The following ADAM32 variants were observed in gnomAD, a reference collection of about 807,000 sequenced individuals.
ADAM32 encodes disintegrin and metalloproteinase domain-containing protein 32.
A neutral mutation model predicts 114.9 loss-of-function variants in ADAM32; 89 were observed. The ratio of observed to expected loss-of-function variants is 0.77; its 90% CI spans 0.65 to 0.92. The LOEUF (loss-of-function observed/expected upper bound fraction) is 0.92, where lower values mean the gene tolerates loss of function less well. ADAM32 is among the 40% of genes least tolerant of loss of function. The pLI, the probability that ADAM32 is intolerant of heterozygous loss-of-function variation, is 0.00. For missense variants in ADAM32, 870 were observed against 932.8 expected (o/e 0.93, Z 0.88); for synonymous variants, 285 against 307.5 (o/e 0.93, Z 0.77).
At chr8:39,124,512 G>A (rs950071463) in intron 2 of ADAM32, among the ~76,000 whole-genome samples, 1 of 151,644 alleles carries the variant, frequency 6.6e-6, no homozygotes, top group African/African-American at 2.4e-5. Context: ...CCACCTCCCG[G>A]GTTCATGCCA....
chr8:39,212,085 C>T (rs1051512109), intron 12 of ADAM32, among the ~76,000 whole-genome samples: 4 of 152,170 alleles, frequency 2.6e-5, no homozygotes, highest in East Asian at 1.9e-4. Flanking sequence ...GGAGCAATCT[C>T]GGCTCACTTC....
intron 11 of ADAM32, among the ~76,000 whole-genome samples, chr8:39,194,037 T>C (rs144857446): frequency 6.6e-6 from 1 of 152,044 alleles, no homozygotes; most frequent in Non-Finnish European, 1.5e-5. Flanking sequence ...TGCAGGAGGG[T>C]GCTAGTGTGT....
chr8:39,237,405 C>G (rs781445921), intron 16 of ADAM32, among the ~76,000 whole-genome samples: 9 of 151,088 alleles, frequency 6.0e-5, no homozygotes, highest in Non-Finnish European at 1.2e-4. Context: ...AGCACAGAAG[C>G]CATGGCAGGC....
intron 16 of ADAM32, among the ~76,000 whole-genome samples, chr8:39,243,770 T>C (rs1810716756): frequency 6.6e-6 from 1 of 151,472 alleles, no homozygotes; most frequent in Non-Finnish European, 1.5e-5. Context: ...GTACTGGAGG[T>C]CCTAGCCAGA....
intron 11 of ADAM32, among the ~76,000 whole-genome samples, chr8:39,203,156 T>G (rs899790119): frequency 6.6e-6 from 1 of 152,234 alleles, no homozygotes; most frequent in Admixed American, 6.5e-5. Context: ...GTCTACTTGG[T>G]CCAGGGCTGA....
At chr8:39,138,994 A>G (rs1015057689) in intron 3 of ADAM32, among the ~76,000 whole-genome samples, 1 of 152,128 alleles carries the variant, frequency 6.6e-6, no homozygotes, top group Non-Finnish European at 1.5e-5. Flanking sequence ...GTCTGTTCAT[A>G]TCCTTTGGCC....
intron 16 of ADAM32, among the ~76,000 whole-genome samples, chr8:39,244,256 G>A (rs914060902): frequency 2.0e-5 from 3 of 151,948 alleles, no homozygotes; most frequent in Non-Finnish European, 4.4e-5. Context: ...TCACAGAACT[G>A]GAAAAAACGA....
chr8:39,244,135 AAC>A (rs1176102204), intron 16 of ADAM32, among the ~76,000 whole-genome samples: 1 of 152,198 alleles, frequency 6.6e-6, no homozygotes, highest in African/African-American at 2.4e-5. Flanking sequence ...AACAAATGAA[AAC>A]ACATACCATG....
intron 22 of ADAM32, among the ~76,000 whole-genome samples, chr8:39,276,851 T>C (rs1432115793): frequency 6.6e-6 from 1 of 152,194 alleles, no homozygotes; most frequent in Non-Finnish European, 1.5e-5. Flanking sequence ...CCTTTTTCTC[T>C]TATTATATTC....
chr8:39,200,807 G>T (rs1212424350), intron 11 of ADAM32, among the ~76,000 whole-genome samples: 2 of 152,160 alleles, frequency 1.3e-5, no homozygotes, highest in East Asian at 3.8e-4. Context: ...TGTATAAGGT[G>T]TAAGGAAGGG....
chr8:39,173,447 G>A (rs1481318168), intron 10 of ADAM32, among the ~76,000 whole-genome samples: 1 of 149,104 alleles, frequency 6.7e-6, no homozygotes, highest in Non-Finnish European at 1.5e-5. Flanking sequence ...TTTTTTTCAT[G>A]TTTTTTGCCC....
chr8:39,153,272 T>A (rs1564494632), intron 6 of ADAM32, among the ~76,000 whole-genome samples: 1 of 152,232 alleles, frequency 6.6e-6, no homozygotes, highest in African/African-American at 2.4e-5. Context: ...GCTGAACTTT[T>A]TTTTCTTGCC....
intron 22 of ADAM32, among the ~76,000 whole-genome samples, chr8:39,277,422 A>G (rs1466496748): frequency 6.6e-6 from 1 of 152,234 alleles, no homozygotes; most frequent in Non-Finnish European, 1.5e-5. Flanking sequence ...CATGTCATTT[A>G]TCTTTGGAGT....
intron 11 of ADAM32, among the ~76,000 whole-genome samples, chr8:39,202,413 G>A (rs189820302): frequency 1.1e-4 from 17 of 152,234 alleles, no homozygotes; most frequent in Admixed American, 2.0e-4. Context: ...GTTTATTTGC[G>A]TAGAGGTGTT....
At chr8:39,200,909 G>A (rs574125895) in intron 11 of ADAM32, among the ~76,000 whole-genome samples, 20 of 152,144 alleles carry the variant, frequency 1.3e-4, no homozygotes, top group South Asian at 4.2e-4. Flanking sequence ...GTTTTTGTCC[G>A]GTTTTTCCAA....
At chr8:39,252,116 T>C (rs2129450387) in intron 17 of ADAM32, among the ~76,000 whole-genome samples, 1 of 151,994 alleles carries the variant, frequency 6.6e-6, no homozygotes, top group East Asian at 1.9e-4. Context: ...TTGGTTACTA[T>C]AGCTCTGTAG....
At chr8:39,243,652 G>A (rs1292053150) in intron 16 of ADAM32, among the ~76,000 whole-genome samples, 1 of 152,172 alleles carries the variant, frequency 6.6e-6, no homozygotes, top group East Asian at 1.9e-4. Flanking sequence ...GGCTGTATAT[G>A]CCAAAGCCGC....
At chr8:39,154,653 C>T (rs1477131999) in intron 6 of ADAM32, among the ~76,000 whole-genome samples, 1 of 152,214 alleles carries the variant, frequency 6.6e-6, no homozygotes, top group Admixed American at 6.5e-5. Context: ...TACACTCCCA[C>T]CAACAGTGTA....
At chr8:39,111,888 T>C (rs1218152901) in intron 1 of ADAM32, among the ~76,000 whole-genome samples, 1 of 152,150 alleles carries the variant, frequency 6.6e-6, no homozygotes, top group Admixed American at 6.5e-5. Flanking sequence ...TGAAGTGACA[T>C]ACGCATTTAT....
Sources: allele counts gnomAD v4.1 joint callset (sites outside exome capture counted in the v4.1 genomes callset), GRCh38; gene constraint gnomAD v4.1.1; transcripts MANE v1.5; gene names NCBI Gene and HGNC (gene_info 2026-07-23, HGNC 2026-07-21).